Variants in MIOS observed in about 807,000 individuals in gnomAD.
MIOS encodes GATOR2 complex protein MIOS.
MIOS carries 52 observed loss-of-function variants against 96.9 expected under a neutral mutation model. The ratio of observed to expected loss-of-function variants is 0.54; its 90% CI spans 0.43 to 0.68. The LOEUF is 0.68. Ranked by LOEUF, MIOS falls within the 30% of genes least tolerant of loss-of-function variation. The pLI is 0.00. For synonymous variants in MIOS, 397 were observed against 359.5 expected, an observed-to-expected ratio of 1.10 and a Z score of -1.18; for missense variants, 1,005 against 1,052.8, an observed-to-expected ratio of 0.95 and a Z score of 0.63.
Position 7,572,493 on chromosome 7 carries a change from T to C in MIOS, c.18T>C (p.Pro6=). 6.2e-7 allele frequency: 1 copy of C among 1,613,170 alleles called. No homozygotes were observed. The highest frequency in any genetic ancestry group is 1.1e-5 in the South Asian group (1 of 91,006). ...CAGTAAACATGAGCGGTACCAAACC[T>C]GATATTTTATGGGCACCACACCATG... The part of the protein sequence containing the change: MSGTK[P]DILWAPHHVD... The change falls in exon 4 of 13, where the codon CCT becomes CCC. Residue 6 remains proline, a synonymous_variant. Transcript: ENST00000340080. The surrounding 1 kb of genome is among the most constrained non-coding windows in gnomAD (Gnocchi z 4.8).
chr7:7,576,618 G>C (rs999259123), intron 5 of MIOS, among the ~76,000 whole-genome samples: 1 of 152,120 alleles, frequency 6.6e-6, no homozygotes, highest in African/African-American at 2.4e-5. Flanking sequence ...GGTAAGCAGT[G>C]GGCTAACTCA....
Position 7,598,944 on chromosome 7 carries a change from A to G in MIOS, c.2401+2483A>G, listed in dbSNP as rs566048265. On this transcript the variant is annotated intron_variant, in intron 11 of 12. Coordinates refer to ENST00000340080, the MANE Select transcript of MIOS (RefSeq NM_019005.4). ...TTTGCTACAGAAATAATTTCTTTATATATATAATACATATTTGAACACTGA... is the reference window on the plus strand; with the variant it reads ...TTTGCTACAGAAATAATTTCTTTATGTATATAATACATATTTGAACACTGA... Among the ~76,000 whole-genome samples, 3 of 152,184 alleles carry G rather than the reference A, an allele frequency of 2.0e-5. No individual in the cohort carries two copies. The East Asian group carries it at 5.8e-4, about 29-fold the overall frequency.
intron 6 of MIOS, 65 bp downstream of exon 6, chr7:7,583,437 A>G: frequency 7.0e-7 from 1 of 1,435,244 alleles, no homozygotes; most frequent in Non-Finnish European, 9.2e-7. Flanking sequence ...GGAATCTTTT[A>G]AAGAAAAGAG....
intron 11 of MIOS, among the ~76,000 whole-genome samples, chr7:7,596,797 A>G (rs1784215368): frequency 6.6e-6 from 1 of 152,238 alleles, no homozygotes; most frequent in African/African-American, 2.4e-5. Context: ...AAAAGTCAGT[A>G]TACCCGCACC....
rs1166751468 is a variant in MIOS at position 7,608,518 on chromosome 7, C to T, written c.*1426C>T. 1 of 152,000 alleles carries T rather than the reference C, an allele frequency of 6.6e-6. No individual in the cohort carries two copies. Among genetic ancestry groups the T allele is most frequent in the Non-Finnish European group, 1.5e-5 (1 of 67,932 alleles). 9.4% of individuals were successfully genotyped at this position (152,000 alleles called of 1,614,324 possible). ...TAGTACATATTTACTCTAAATGTCTCACCTGCATGACAGTCTTTTCAAATG... is the reference window on the plus strand; with the variant it reads ...TAGTACATATTTACTCTAAATGTCTTACCTGCATGACAGTCTTTTCAAATG... On this transcript the variant is annotated 3_prime_UTR_variant, in exon 13 of 13. Transcript: ENST00000340080.
chr7:7,603,715 T>A (rs1231637719), intron 11 of MIOS, among the ~76,000 whole-genome samples: 1 of 152,326 alleles, frequency 6.6e-6, no homozygotes, highest in African/African-American at 2.4e-5. Flanking sequence ...TTACTGGGTA[T>A]ATACCCAAAG....
chr7:7,583,300 G>A lies in MIOS; in HGVS notation c.1576G>A (p.Ala526Thr). 1 of 1,614,104 alleles carries A rather than the reference G, an allele frequency of 6.2e-7. No individual in the cohort carries two copies. The highest frequency in any genetic ancestry group is 8.5e-7 in the Non-Finnish European group (1 of 1,179,976). The change falls in exon 6 of 13, where the codon GCT becomes ACT. Residue 526 changes from alanine (A) to threonine (T), a missense_variant. Transcript: ENST00000340080. ...VQEGEWERAA[A>T]VALFNLDIRR... ...AGAAGGGGAATGGGAAAGAGCTGCT[G>A]CTGTGGCATTGTTCAACTTGGATAT... is the stretch of plus-strand genomic sequence containing the variant.
At position 7,605,947 on chromosome 7, in the gene MIOS, A is replaced by G; in HGVS notation, c.2407A>G (p.Thr803Ala). ...ATCATTTTATTTTGTCATAGGAGGA[A>G]CCAAATCAGATGAAAAAGTGGACTT... Reference protein sequence around the residue: ...GTPVSSCPGGTKSDEKVDLSK... With the variant: ...GTPVSSCPGGAKSDEKVDLSK... The change falls in exon 12 of 13, where the codon ACC becomes GCC. Residue 803 changes from threonine (T) to alanine (A), a missense_variant. Around this residue, in one of 3 missense-constraint regions of MIOS, gnomAD observed 865 missense variants for 887.9 expected, o/e 0.97. Coordinates refer to ENST00000340080, the MANE Select transcript of MIOS (RefSeq NM_019005.4). 2 of 1,613,546 alleles carry G rather than the reference A, an allele frequency of 1.2e-6. No homozygotes were observed. Among genetic ancestry groups the G allele is most frequent in the Non-Finnish European group, 1.7e-6 (2 of 1,179,588 alleles).
chr7:7,578,805 G>A lies in MIOS; in HGVS notation c.1394-4313G>A, dbSNP rs188942889. Among the ~76,000 whole-genome samples, 522 of 152,098 alleles carry A rather than the reference G, an allele frequency of 3.4e-3. 3 individuals carry two copies. The highest frequency in any genetic ancestry group is 5.9e-3 in the Non-Finnish European group (401 of 67,980). On this transcript the variant is annotated intron_variant, in intron 5 of 12. Coordinates refer to ENST00000340080, the MANE Select transcript of MIOS (RefSeq NM_019005.4). ...GGCTCACTGCAACTTCCACCTCCTG[G>A]GTTCAAGTGATTTTCGTGCCTCAGC...
rs1783157844 is a variant in MIOS, at chr7:7,566,968, G to A, written c.-325G>A. 6.6e-6 allele frequency: 1 copy of A among 152,082 alleles called. No homozygotes were observed. Among genetic ancestry groups the A allele is most frequent in the South Asian group, 2.1e-4 (1 of 4,838 alleles). 9.4% of individuals were successfully genotyped at this position (152,082 alleles called of 1,614,324 possible). ...CCCAGCCCAGTGGTCCAGGTCACGG[G>A]CCGCACGGCCGCGGCCGCCATCTTG... On this transcript the variant is annotated 5_prime_UTR_variant, in exon 1 of 13. Transcript: ENST00000340080.
chr7:7,576,777 G>A (rs998059581), intron 5 of MIOS, among the ~76,000 whole-genome samples: 1 of 152,144 alleles, frequency 6.6e-6, no homozygotes, highest in Non-Finnish European at 1.5e-5. Flanking sequence ...GAGGCAAGAC[G>A]TGATGCTATC....
In MIOS at chr7:7,588,519, C is replaced by G. The variant is rs751445891; in HGVS notation, c.1840C>G (p.Arg614Gly). 6.3e-7 allele frequency: 1 copy of G among 1,591,432 alleles called. No individual in the cohort carries two copies. The highest frequency in any genetic ancestry group is 8.6e-7 in the Non-Finnish European group (1 of 1,167,664). Residue 614 changes from arginine (R) to glycine (G), a missense_variant, in exon 8 of 13, where the codon CGT becomes GGT. Around this residue, in one of 3 missense-constraint regions of MIOS, gnomAD observed 865 missense variants for 887.9 expected, o/e 0.97. Transcript: ENST00000340080. The stretch of plus-strand genomic sequence containing the variant: ...CCAGTATGAAAACAAAGTTGCAGTA[C>G]GTGACAGAGTGGCATTTGCTTGTAA... ...GVLYENKVAV[R>G]DRVAFACKFL...
At chr7:7,595,475 G>C (rs1784177603) in intron 10 of MIOS, among the ~76,000 whole-genome samples, 3 of 151,916 alleles carry the variant, frequency 2.0e-5, no homozygotes, top group Non-Finnish European at 4.4e-5. Flanking sequence ...GCAGGATTTG[G>C]GTTTTTTAGA....
intron 9 of MIOS, among the ~76,000 whole-genome samples, chr7:7,590,855 C>T (rs1784026209): frequency 6.6e-6 from 1 of 152,184 alleles, no homozygotes; most frequent in Non-Finnish European, 1.5e-5. Context: ...TTTACCCTTT[C>T]TTATGTCACT....
chr7:7,577,259 T>A (rs2115374130), intron 5 of MIOS, among the ~76,000 whole-genome samples: 1 of 152,256 alleles, frequency 6.6e-6, no homozygotes, highest in East Asian at 1.9e-4. Context: ...TGTCCGGTGC[T>A]CCATGCTTCA....
chr7:7,594,667 A>G (rs1258069364), intron 9 of MIOS, among the ~76,000 whole-genome samples: 1 of 152,198 alleles, frequency 6.6e-6, no homozygotes, highest in Non-Finnish European at 1.5e-5. Context: ...GACAAAGGGT[A>G]TTCGTATCAC....
chr7:7,604,020 C>A (rs1483264175), intron 11 of MIOS, among the ~76,000 whole-genome samples: 2 of 147,048 alleles, frequency 1.4e-5, no homozygotes, highest in African/African-American at 5.1e-5. Flanking sequence ...AATTTGAGAA[C>A]ACATGGACAC....
At chr7:7,570,470 GA>G (rs1783312175) in intron 3 of MIOS, among the ~76,000 whole-genome samples, 1 of 152,042 alleles carries the variant, frequency 6.6e-6, no homozygotes, top group Non-Finnish European at 1.5e-5. Context: ...TCTCACGGAT[GA>G]GGGGTGGGGG....
At chr7:7,578,930 C>T (rs1783622391) in intron 5 of MIOS, among the ~76,000 whole-genome samples, 1 of 152,150 alleles carries the variant, frequency 6.6e-6, no homozygotes, top group African/African-American at 2.4e-5. Context: ...AGGCTGGTCT[C>T]AAACTCCTAA....
Sources: allele counts gnomAD v4.1 joint callset (sites outside exome capture counted in the v4.1 genomes callset), GRCh38; gene constraint gnomAD v4.1.1; regional missense constraint gnomAD v4.1.1; non-coding constraint Gnocchi (gnomAD v3.1); transcripts MANE v1.5; gene names NCBI Gene and HGNC (gene_info 2026-07-23, HGNC 2026-07-21).